Variants in THSD7B observed in about 807,000 individuals in gnomAD.
The protein encoded by THSD7B is thrombospondin type 1 domain containing 7B, also known as thrombospondin type-1 domain-containing protein 7B.
Under a neutral mutation model 213.6 loss-of-function variants are expected in THSD7B, and 138 were observed. The ratio of observed to expected loss-of-function variants is 0.65; its 90% confidence interval spans 0.56 to 0.74. The LOEUF (loss-of-function observed/expected upper bound fraction) is 0.74. Ranked by LOEUF, THSD7B falls within the 30% of genes least tolerant of loss-of-function variation. THSD7B has a pLI of 0.00. For missense variants in THSD7B, 1,931 were observed against 1,991.5 expected, an observed-to-expected ratio of 0.97 and a Z score of 0.58; for synonymous variants, 742 against 687.0, an observed-to-expected ratio of 1.08 and a Z score of -1.25.
chr2:136,986,373 G>C (rs1685672344), intron 2 of THSD7B, among the ~76,000 whole-genome samples: 1 of 152,136 alleles, frequency 6.6e-6, no homozygotes, highest in Non-Finnish European at 1.5e-5. Context: ...GAATTCAAAA[G>C]TCTAGGACCA....
chr2:137,123,318 A>G (rs959506856), intron 5 of THSD7B, among the ~76,000 whole-genome samples: 1 of 152,074 alleles, frequency 6.6e-6, no homozygotes, highest in Non-Finnish European at 1.5e-5. Context: ...AACCTTGACC[A>G]ATGAGAAACA....
At chr2:137,046,917 G>C (rs1391957740) in intron 2 of THSD7B, among the ~76,000 whole-genome samples, 3 of 152,002 alleles carry the variant, frequency 2.0e-5, no homozygotes, top group African/African-American at 7.3e-5. Flanking sequence ...GCAGGCACTT[G>C]TATGTTATGT....
chr2:137,414,116 A>C (rs1244123944), intron 14 of THSD7B, among the ~76,000 whole-genome samples: 13 of 152,194 alleles, frequency 8.5e-5, no homozygotes, highest in Admixed American at 7.2e-4. Context: ...ACAAGAGGAG[A>C]CATTTGTAAT....
intron 4 of THSD7B, among the ~76,000 whole-genome samples, chr2:137,106,975 C>CTAAATTAGCTAAACCA (rs1423274472): frequency 6.6e-6 from 1 of 152,200 alleles, no homozygotes; most frequent in Admixed American, 6.5e-5. Context: ...TTGTGGAAGT[C>CTAAATTAGCTAAACCA]AGTGTGGTGA....
intron 12 of THSD7B, among the ~76,000 whole-genome samples, chr2:137,287,961 G>A (rs1324514388): frequency 6.6e-6 from 1 of 152,076 alleles, no homozygotes; most frequent in African/African-American, 2.4e-5. Context: ...TCTTGTTCAT[G>A]ACTAAAATTC....
rs1358047955 is a variant in THSD7B, at chr2:137,271,457, T to TATATA, written c.2267-1065_2267-1061dup. ...ATATATAATATAATATATAATATAATATATAATATAATATATAATATAAAA... is the reference window on the plus strand; with the variant it reads ...ATATATAATATAATATATAATATAATATATAATATAATATAATATATAATATAAAA... On this transcript the variant is annotated intron_variant, in intron 10 of 27. Transcript: ENST00000409968. 2.1e-5 allele frequency among the ~76,000 whole-genome samples: 3 copies of TATATA among 142,684 alleles called. 1 individual carries two copies. In the South Asian group the frequency reaches 6.6e-4, roughly 31 times the overall value. 93.6% of individuals were successfully genotyped at this position (142,684 alleles called of 152,430 possible).
chr2:137,554,923 C>T (rs1266788281), intron 15 of THSD7B, among the ~76,000 whole-genome samples: 1 of 152,184 alleles, frequency 6.6e-6, no homozygotes, highest in Non-Finnish European at 1.5e-5. Context: ...CGGAGGGTCC[C>T]ATGCTCAGGG....
At chr2:137,076,685 G>T (rs963200878) in intron 3 of THSD7B, among the ~76,000 whole-genome samples, 1 of 152,174 alleles carries the variant, frequency 6.6e-6, no homozygotes, top group Non-Finnish European at 1.5e-5. Flanking sequence ...CGTCACTCAC[G>T]CTGGGAGCTG....
In THSD7B at chr2:137,411,774, C is replaced by T; in HGVS notation, c.2861C>T (p.Ala954Val). 1 of 1,613,914 alleles carries T rather than the reference C, an allele frequency of 6.2e-7. No individual in the cohort carries two copies. Among genetic ancestry groups the T allele is most frequent in the Non-Finnish European group, 8.5e-7 (1 of 1,179,902 alleles). The change falls in exon 14 of 28, where the codon GCA becomes GTA. Residue 954 changes from alanine to valine, a missense_variant. Physicochemically the swap from Ala to Val is moderately conservative, Grantham distance 64. Coordinates refer to ENST00000409968, the MANE Select transcript of THSD7B (RefSeq NM_001316349.2). ...REPHRGLRVQADSKECGEGLR... is the reference protein window; with the variant it reads ...REPHRGLRVQVDSKECGEGLR... ...CCTCACCGAGGACTGCGGGTACAAG[C>T]AGACAGCAAAGAATGTGGAGAAGGC...
intron 2 of THSD7B, among the ~76,000 whole-genome samples, chr2:136,909,471 C>T (rs941355142): frequency 1.3e-5 from 2 of 152,170 alleles, no homozygotes; most frequent in Non-Finnish European, 2.9e-5. Flanking sequence ...TCTTATACAT[C>T]TTTGTGCAAT....
At chr2:137,566,918 C>T (rs567393616) in intron 16 of THSD7B, among the ~76,000 whole-genome samples, 8 of 152,090 alleles carry the variant, frequency 5.3e-5, no homozygotes, top group African/African-American at 1.7e-4. Context: ...GAGCACAAAC[C>T]TAAATATAGT....
intron 3 of THSD7B, among the ~76,000 whole-genome samples, chr2:137,080,367 G>GTTTT (rs70975798): frequency 2.0e-5 from 2 of 98,398 alleles, no homozygotes; most frequent in African/African-American, 4.2e-5. Flanking sequence ...ATGCCCAGCT[G>GTTTT]TTTTTTTTTT....
chr2:137,276,672 A>T (rs2104812151), intron 12 of THSD7B, among the ~76,000 whole-genome samples: 1 of 152,240 alleles, frequency 6.6e-6, no homozygotes, highest in African/African-American at 2.4e-5. Context: ...TTCATAATCC[A>T]GGTGCCAGTT....
chr2:137,086,140 A>T (rs1463174534), intron 3 of THSD7B, among the ~76,000 whole-genome samples: 1 of 152,142 alleles, frequency 6.6e-6, no homozygotes, highest in Non-Finnish European at 1.5e-5. Context: ...TGAGGTCAGG[A>T]GTTCAAGACC....
At chr2:136,808,930 G>C (rs904631826) in intron 1 of THSD7B, among the ~76,000 whole-genome samples, 3 of 152,178 alleles carry the variant, frequency 2.0e-5, no homozygotes, top group African/African-American at 7.2e-5. Context: ...GCACAAGTTT[G>C]GATACTTGCT....
In THSD7B at chr2:136,898,069, G is replaced by A. The variant is rs1264491020; in HGVS notation, c.139+15752G>A. Among the ~76,000 whole-genome samples, 2 of 152,218 alleles carry A rather than the reference G, an allele frequency of 1.3e-5. 1 individual carries two copies. The highest frequency in any genetic ancestry group is 2.9e-5 in the Non-Finnish European group (2 of 68,042). On this transcript the variant is annotated intron_variant, in intron 2 of 27. Coordinates refer to ENST00000409968, the MANE Select transcript of THSD7B (RefSeq NM_001316349.2). Reference sequence around the variant, plus strand: ...TACAATCTTTTAGACACAGAGCGCTGATCAGTGCATTTACAGTCCTCTAGC... The same window carrying A: ...TACAATCTTTTAGACACAGAGCGCTAATCAGTGCATTTACAGTCCTCTAGC...
chr2:136,841,501 G>A (rs867191478), intron 1 of THSD7B, among the ~76,000 whole-genome samples: 7 of 148,806 alleles, frequency 4.7e-5, no homozygotes, highest in Admixed American at 3.4e-4. Context: ...GGAGGGTGAG[G>A]CAGGAGAGTC....
intron 12 of THSD7B, among the ~76,000 whole-genome samples, chr2:137,391,003 T>TGTG (rs1686012319): frequency 1.3e-5 from 2 of 152,060 alleles, no homozygotes; most frequent in Admixed American, 6.6e-5. Flanking sequence ...TGTGTGTGTG[T>TGTG]GTGTTGTTGT....
intron 7 of THSD7B, among the ~76,000 whole-genome samples, chr2:137,190,212 T>A (rs1022824142): frequency 1.3e-5 from 2 of 152,214 alleles, no homozygotes; most frequent in African/African-American, 4.8e-5. Flanking sequence ...TGGAGATGAT[T>A]TTTTGAACTC....
Sources: gnomAD v4.1 joint callset for allele counts (sites outside exome capture counted in the v4.1 genomes callset) on GRCh38, gnomAD v4.1.1 for gene constraint, MANE v1.5 for transcripts, NCBI Gene and HGNC (gene_info 2026-07-23, HGNC 2026-07-21) for gene names.